RAD54B: variants seen among roughly 807,000 people sequenced by gnomAD.
The protein encoded by RAD54B is DNA repair and recombination protein RAD54B.
RAD54B carries 78 observed loss-of-function variants against 95.8 expected under a neutral mutation model. The observed-to-expected ratio is 0.81, with a 90% CI of 0.68 to 0.98. The LOEUF is 0.98. RAD54B is among the 50% of genes least tolerant of loss of function. The pLI is 0.00. For missense variants in RAD54B, 957 were observed against 1,056.6 expected (o/e 0.91, Z 1.31); for synonymous variants, 328 against 354.9 (o/e 0.92, Z 0.85).
intron 14 of RAD54B, among the ~76,000 whole-genome samples, chr8:94,376,361 CTG>C (rs1297402447): frequency 7.2e-5 from 11 of 151,964 alleles, no homozygotes; most frequent in African/African-American, 2.7e-4. Flanking sequence ...TAATGAAAGA[CTG>C]TATATCAAAA....
At chr8:94,381,904 A>C (rs1158338269) in intron 11 of RAD54B, among the ~76,000 whole-genome samples, 2 of 152,028 alleles carry the variant, frequency 1.3e-5, no homozygotes, top group Non-Finnish European at 2.9e-5. Flanking sequence ...ACAAGGTCAG[A>C]AGATAGAGAC....
intron 3 of RAD54B, among the ~76,000 whole-genome samples, chr8:94,412,395 C>G (rs1383871504): frequency 6.6e-6 from 1 of 150,790 alleles, no homozygotes; most frequent in African/African-American, 2.4e-5. Flanking sequence ...GGCTATATAC[C>G]CAGAAGTGAA....
At chr8:94,432,247 C>T in intron 3 of RAD54B, 1 of 1,550,410 alleles carries the variant, frequency 6.4e-7, no homozygotes, top group East Asian at 2.4e-5. Flanking sequence ...TTCAATCCAT[C>T]CCTCTTCTCC....
chr8:94,465,405 T>C (rs1168544215), intron 2 of RAD54B, among the ~76,000 whole-genome samples: 1 of 152,210 alleles, frequency 6.6e-6, no homozygotes, highest in African/African-American at 2.4e-5. Flanking sequence ...CATGAAAAGA[T>C]GCTCAGCATT....
At position 94,386,624 on chromosome 8, in the gene RAD54B, G is replaced by A. The variant is rs77278525; in HGVS notation, c.1985+360C>T. Among the ~76,000 whole-genome samples, 685 of 152,102 alleles carry A rather than the reference G, an allele frequency of 4.5e-3. 4 individuals are homozygous for A. Among genetic ancestry groups the A allele is most frequent in the Non-Finnish European group, 8.0e-3 (541 of 67,964 alleles). ...TGTGTGTGCAATAGTTGAAAGTACA[G>A]GGAGTATAGCACTCAGGAAGTGTGT... On this transcript the variant is annotated intron_variant, in intron 11 of 14. Transcript: ENST00000336148.
intron 3 of RAD54B, among the ~76,000 whole-genome samples, chr8:94,421,553 T>C (rs1331245493): frequency 6.6e-6 from 1 of 152,156 alleles, no homozygotes; most frequent in African/African-American, 2.4e-5. Context: ...CCCAGACATG[T>C]CCACATATCT....
At chr8:94,418,278 A>C (rs1298891087) in intron 3 of RAD54B, among the ~76,000 whole-genome samples, 1 of 152,144 alleles carries the variant, frequency 6.6e-6, no homozygotes, top group Non-Finnish European at 1.5e-5. Context: ...ATAAAGTCCA[A>C]GAAATGAAAT....
chr8:94,388,230 A>G (rs7013651), intron 10 of RAD54B, among the ~76,000 whole-genome samples: 1,790 of 152,168 alleles, frequency 0.012, 43 homozygotes, highest in African/African-American at 0.041. Context: ...AGCAAGGCCA[A>G]CCCCTCCTCT....
intron 8 of RAD54B, among the ~76,000 whole-genome samples, chr8:94,394,322 A>C (rs1811093769): frequency 6.6e-6 from 1 of 152,244 alleles, no homozygotes; most frequent in Non-Finnish European, 1.5e-5. Flanking sequence ...CCTACAGCAT[A>C]ATAAATGTTC....
At chr8:94,387,779 T>C (rs2129975449) in intron 10 of RAD54B, among the ~76,000 whole-genome samples, 1 of 152,358 alleles carries the variant, frequency 6.6e-6, no homozygotes, top group South Asian at 2.1e-4. Flanking sequence ...TATCAGCACC[T>C]CTGAAATTCC....
At chr8:94,439,421 G>A (rs1057136517) in intron 3 of RAD54B, among the ~76,000 whole-genome samples, 8 of 152,084 alleles carry the variant, frequency 5.3e-5, no homozygotes, top group Admixed American at 4.6e-4. Context: ...AATGAAAGAC[G>A]CAGATCATAG....
chr8:94,436,585 C>T (rs758007961), intron 3 of RAD54B: 20 of 1,550,458 alleles, frequency 1.3e-5, no homozygotes, highest in Middle Eastern at 3.3e-4. Context: ...AGAAATATTG[C>T]TTTTAAAATC....
chr8:94,428,308 C>T, intron 3 of RAD54B: 1 of 982,698 alleles, frequency 1.0e-6, no homozygotes, highest in East Asian at 1.1e-4. Flanking sequence ...CTCATGGACC[C>T]CAAACAATTG....
At position 94,411,323 on chromosome 8, in the gene RAD54B, TA is replaced by T. The variant is rs374242057; in HGVS notation, c.305-9del. The T allele has an allele frequency of 7.0e-3, 9,828 of 1,401,618 alleles. 135 individuals carry two copies. Among genetic ancestry groups the T allele is most frequent in the African/African-American group, 0.045 (3,040 of 67,318 alleles). The allele number at this position is 1,401,618 out of a possible 1,614,324, so 86.8% of individuals were successfully genotyped here. On this transcript the variant is annotated splice_polypyrimidine_tract_variant and intron_variant, in intron 3 of 14. Transcript: ENST00000336148. ...CTTTAGGAGCCGAATGAACTACAAT[TA>T]AAAAAAAAACACACATTATTAAAAA... is the stretch of plus-strand genomic sequence containing the variant.
Position 94,378,853 on chromosome 8 carries a change from C to T in RAD54B, c.2248-219G>A, listed in dbSNP as rs543431243. On this transcript the variant is annotated intron_variant, in intron 12 of 14. Transcript: ENST00000336148. ...CACTTACTATGGTACTGTAAAATAA[C>T]TACAAGAGTATCATGCAAGAGTGAG... Among the ~76,000 whole-genome samples, 23 of 152,286 alleles carry T rather than the reference C, an allele frequency of 1.5e-4. No homozygotes were observed. The South Asian group carries it at 4.8e-3, about 32-fold the overall frequency.
intron 3 of RAD54B, among the ~76,000 whole-genome samples, chr8:94,416,080 G>C (rs1270718611): frequency 1.3e-5 from 2 of 149,802 alleles, no homozygotes; most frequent in Non-Finnish European, 3.0e-5. Flanking sequence ...TGTTTATTGC[G>C]GCACTATTCA....
intron 3 of RAD54B, among the ~76,000 whole-genome samples, chr8:94,449,504 G>A (rs1304838082): frequency 6.6e-6 from 1 of 151,630 alleles, no homozygotes; most frequent in Non-Finnish European, 1.5e-5. Flanking sequence ...AGCTACTCAG[G>A]AGCCTGAGAC....
intron 3 of RAD54B, among the ~76,000 whole-genome samples, chr8:94,418,980 A>C (rs1811736829): frequency 1.3e-5 from 2 of 152,156 alleles, no homozygotes. Context: ...GGATATTTTT[A>C]AATGTATCTT....
intron 11 of RAD54B, among the ~76,000 whole-genome samples, chr8:94,381,457 A>G (rs1335627796): frequency 1.3e-5 from 2 of 152,228 alleles, no homozygotes; most frequent in African/African-American, 4.8e-5. Context: ...ATTTGAAGTG[A>G]GCTTCAACAT....
Sources: allele counts gnomAD v4.1 joint callset (sites outside exome capture counted in the v4.1 genomes callset), GRCh38; gene constraint gnomAD v4.1.1; transcripts MANE v1.5; gene names NCBI Gene and HGNC (gene_info 2026-07-23, HGNC 2026-07-21).